The following PGM2L1 variants were observed in gnomAD, a reference collection of about 807,000 sequenced individuals.
The protein encoded by PGM2L1 is phosphoglucomutase 2 like 1.
Under a neutral mutation model 73.4 loss-of-function variants are expected in PGM2L1, and 35 were observed. The observed-to-expected ratio is 0.48, with a 90% CI of 0.36 to 0.63. PGM2L1 has a LOEUF of 0.63. PGM2L1 is among the 30% of genes least tolerant of loss of function. The pLI is 0.00. For missense variants in PGM2L1, 570 were observed against 742.0 expected, an observed-to-expected ratio of 0.77 and a Z score of 2.69; for synonymous variants, 225 against 253.8, an observed-to-expected ratio of 0.89 and a Z score of 1.08.
At chr11:74,371,164 A>C (rs1258582677) in intron 3 of PGM2L1, among the ~76,000 whole-genome samples, 178 bp from the exon 4 acceptor site, 2 of 152,184 alleles carry the variant, frequency 1.3e-5, no homozygotes, top group Non-Finnish European at 2.9e-5. Flanking sequence ...TAAATAAATA[A>C]GTTTTTTTAA....
At chr11:74,352,205 T>C (rs1862368970) in intron 5 of PGM2L1, among the ~76,000 whole-genome samples, 1 of 152,186 alleles carries the variant, frequency 6.6e-6, no homozygotes. Flanking sequence ...GCATATGCCA[T>C]AGTATCCAAT....
At chr11:74,381,907 C>T in intron 1 of PGM2L1, among the ~76,000 whole-genome samples, 1 of 151,698 alleles carries the variant, frequency 6.6e-6, no homozygotes, top group East Asian at 1.9e-4. Flanking sequence ...TGCTTCCCCC[C>T]CACCCCCACC....
At chr11:74,351,340 C>G in intron 6 of PGM2L1, 43 bp downstream of exon 6, 1 of 1,519,430 alleles carries the variant, frequency 6.6e-7, no homozygotes, top group Non-Finnish European at 9.0e-7. Context: ...CATTCTTTAA[C>G]GTTATTCTGA....
At chr11:74,342,257 C>T (rs911745397) in intron 12 of PGM2L1, among the ~76,000 whole-genome samples, 2 of 152,076 alleles carry the variant, frequency 1.3e-5, no homozygotes, top group Non-Finnish European at 2.9e-5. Context: ...TGCTGGGAGG[C>T]TCCAGGCCCC....
At chr11:74,377,581 A>T (rs576281107) in intron 1 of PGM2L1, among the ~76,000 whole-genome samples, 1 of 152,338 alleles carries the variant, frequency 6.6e-6, no homozygotes, top group South Asian at 2.1e-4. Flanking sequence ...TGCAAATATA[A>T]GAGACTAAAA....
intron 1 of PGM2L1, among the ~76,000 whole-genome samples, chr11:74,376,028 A>G (rs1404583627): frequency 6.6e-6 from 1 of 152,192 alleles, no homozygotes; most frequent in Non-Finnish European, 1.5e-5. Context: ...GCACTGTAAT[A>G]CCCTGCTAGT....
At chr11:74,379,649 CGCG>C in intron 1 of PGM2L1, among the ~76,000 whole-genome samples, 1 of 151,956 alleles carries the variant, frequency 6.6e-6, no homozygotes, top group Non-Finnish European at 1.5e-5. Flanking sequence ...TCAGGCTGGG[CGCG>C]GTGGCTTATG....
intron 5 of PGM2L1, among the ~76,000 whole-genome samples, chr11:74,358,559 T>C (rs189489760): frequency 5.9e-5 from 9 of 152,324 alleles, no homozygotes; most frequent in Non-Finnish European, 1.2e-4. Context: ...GAATAGGGAA[T>C]GCAAACTTTC....
At chr11:74,384,358 A>G (rs1340918284) in intron 1 of PGM2L1, among the ~76,000 whole-genome samples, 1 of 151,892 alleles carries the variant, frequency 6.6e-6, no homozygotes, top group African/African-American at 2.4e-5. Flanking sequence ...AACTTATGAG[A>G]TTACTCTTAC....
In PGM2L1 at chr11:74,377,604, T is replaced by G. The variant is rs535606273; in HGVS notation, c.112-3022A>C. On this transcript the variant is annotated intron_variant, in intron 1 of 13. Transcript: ENST00000298198. ...TAAGAGACTAAAAATAGTGATTACC[T>G]CTGAAGGGGATATTAGGCATGGGGT... Among the ~76,000 whole-genome samples, 19 of 152,284 alleles carry G rather than the reference T, an allele frequency of 1.2e-4. No homozygotes were observed. In the South Asian group the frequency reaches 3.9e-3, roughly 32 times the overall value.
chr11:74,365,856 T>A (rs1479275094), intron 5 of PGM2L1, among the ~76,000 whole-genome samples: 2 of 152,160 alleles, frequency 1.3e-5, no homozygotes, highest in Non-Finnish European at 2.9e-5. Flanking sequence ...GCAATCCCAT[T>A]ACTGGGTATA....
intron 1 of PGM2L1, 92 bp from the exon 2 acceptor site, chr11:74,374,674 G>C: frequency 1.9e-6 from 2 of 1,061,388 alleles, no homozygotes; most frequent in South Asian, 3.5e-5. Flanking sequence ...CATATCACAA[G>C]GTTCAACATT....
chr11:74,358,061 A>G (rs11236068), intron 5 of PGM2L1, among the ~76,000 whole-genome samples: 82,494 of 152,100 alleles, frequency 0.54, 24,647 homozygotes, highest in East Asian at 0.8. Flanking sequence ...CGGAGGCAGT[A>G]AAAATACTCT....
Position 74,346,664 on chromosome 11 carries a change from C to G in PGM2L1, c.1037+68G>C, listed in dbSNP as rs1862271230. ...TTATCTTTTCATTATTTTCAATGAG[C>G]CTGTAAGACTTAAAATACATTGCTT... On this transcript the variant is annotated intron_variant, in intron 8 of 13. Transcript: ENST00000298198. The G allele has an allele frequency of 3.3e-6, 4 of 1,196,080 alleles. No homozygotes were observed. The East Asian group carries it at 9.4e-5, about 28-fold the overall frequency. The allele number at this position is 1,196,080 out of a possible 1,614,324, so 74.1% of individuals were successfully genotyped here.
chr11:74,334,895 C>CAAACACAGCATTTCTTTT lies in PGM2L1; in HGVS notation c.*1756_*1757insAAAAGAAATGCTGTGTTT, dbSNP rs1442891985. ...AAGATTAAACACAGCATTTCTTTTTCTCTCTCTCTCTCTTTTTTTTTTTTT... is the reference window on the plus strand; with the variant it reads ...AAGATTAAACACAGCATTTCTTTTTCAAACACAGCATTTCTTTTTCTCTCTCTCTCTTTTTTTTTTTTT... On this transcript the variant is annotated 3_prime_UTR_variant, in exon 14 of 14. Coordinates refer to ENST00000298198, the MANE Select transcript of PGM2L1 (RefSeq NM_173582.6). 1 of 142,858 alleles carries CAAACACAGCATTTCTTTT rather than the reference C, an allele frequency of 7.0e-6. No individual in the cohort carries two copies. Among genetic ancestry groups the CAAACACAGCATTTCTTTT allele is most frequent in the Non-Finnish European group, 1.5e-5 (1 of 66,552 alleles). 8.8% of individuals were successfully genotyped at this position (142,858 alleles called of 1,614,324 possible).
chr11:74,380,382 A>T (rs1251109628), intron 1 of PGM2L1, among the ~76,000 whole-genome samples: 1 of 152,100 alleles, frequency 6.6e-6, no homozygotes, highest in African/African-American at 2.4e-5. Context: ...TATTTAAATA[A>T]TTTTTGTGTA....
intron 1 of PGM2L1, among the ~76,000 whole-genome samples, chr11:74,388,294 TA>T (rs1447133514): frequency 3.3e-5 from 5 of 150,830 alleles, no homozygotes; most frequent in Non-Finnish European, 7.4e-5. Context: ...GTTAAGAGGG[TA>T]AATCTCATGC....
chr11:74,358,700 C>CTT (rs1862501663), intron 5 of PGM2L1, among the ~76,000 whole-genome samples: 1 of 152,152 alleles, frequency 6.6e-6, no homozygotes, highest in Non-Finnish European at 1.5e-5. Context: ...ACCAGCCTGG[C>CTT]CAACATGGCG....
chr11:74,338,568 T>C lies in PGM2L1; in HGVS notation c.1666A>G (p.Thr556Ala). Reference sequence around the variant, plus strand: ...ACACAGCCATTTTGAAAAGTAAATGTAATCATTTGGCTGTTTTTACTCACA... The same window carrying C: ...ACACAGCCATTTTGAAAAGTAAATGCAATCATTTGGCTGTTTTTACTCACA... Reference protein sequence around the residue: ...LPVSKNSQMITFTFQNGCVAT... With the variant: ...LPVSKNSQMIAFTFQNGCVAT... Residue 556 changes from threonine to alanine, a missense_variant, in exon 13 of 14, where the codon ACA becomes GCA. Coordinates refer to ENST00000298198, the MANE Select transcript of PGM2L1 (RefSeq NM_173582.6). 3 of 1,606,578 alleles carry C rather than the reference T, an allele frequency of 1.9e-6. No homozygotes were observed. Among genetic ancestry groups the C allele is most frequent in the South Asian group, 1.1e-5 (1 of 90,422 alleles).
Sources: allele counts gnomAD v4.1 joint callset (sites outside exome capture counted in the v4.1 genomes callset), GRCh38; gene constraint gnomAD v4.1.1; transcripts MANE v1.5; gene names NCBI Gene and HGNC (gene_info 2026-07-23, HGNC 2026-07-21).